KCNT2: variants seen among roughly 807,000 people sequenced by gnomAD.
KCNT2 encodes the protein potassium sodium-activated channel subfamily T member 2.
Under a neutral mutation model 153.8 loss-of-function variants are expected in KCNT2, and 67 were observed. The ratio of observed to expected loss-of-function variants is 0.44; its 90% confidence interval spans 0.36 to 0.53. The LOEUF (loss-of-function observed/expected upper bound fraction) is 0.53, where lower values mean the gene tolerates loss of function less well. KCNT2 is among the 20% of genes least tolerant of loss of function. KCNT2 has a pLI of 0.00. For synonymous variants in KCNT2, 500 were observed against 458.8 expected (o/e 1.09, Z -1.15); for missense variants, 975 against 1,354.8 (o/e 0.72, Z 4.40).
intron 21 of KCNT2, among the ~76,000 whole-genome samples, chr1:196,310,559 T>G (rs1479586928): frequency 6.6e-6 from 1 of 151,918 alleles, no homozygotes; most frequent in Non-Finnish European, 1.5e-5. Context: ...AATTATTTAC[T>G]TATGGTTATA....
chr1:196,280,893 G>A lies in KCNT2; in HGVS notation c.2877C>T (p.Tyr959=), dbSNP rs749332325. Residue 959 remains tyrosine, a synonymous_variant, in exon 25 of 28, where the codon TAC becomes TAT. Transcript: ENST00000294725. ...SSTGDVPIGI[Y]RTESQKLTTS... is the part of the protein sequence containing the mutation. ...TAGTAAGTTTCTGAGACTCAGTCCT[G>A]TAGATTCCAATGGGAACATCTCCAG... 3 of 1,611,958 alleles carry A rather than the reference G, an allele frequency of 1.9e-6. No homozygotes were observed. Among genetic ancestry groups the A allele is most frequent in the South Asian group, 1.1e-5 (1 of 91,040 alleles).
intron 22 of KCNT2, among the ~76,000 whole-genome samples, chr1:196,298,218 C>A (rs1294105506): frequency 6.6e-6 from 1 of 152,074 alleles, no homozygotes; most frequent in Non-Finnish European, 1.5e-5. Context: ...TGTGACACTA[C>A]CTGGAGTTGG....
rs1668679178 is a variant in KCNT2 at position 196,373,201 on chromosome 1, T to C, written c.1342A>G (p.Asn448Asp). ...GTAGATGTTGCTGGGCATATACAGT[T>C]TAAAGCTAACATGGCGTATTTAAAC... ...EEFKYAMLAL[N>D]CICPATSTLI... Residue 448 changes from asparagine to aspartate, a missense_variant, in exon 14 of 28, where the codon AAC becomes GAC. Coordinates refer to ENST00000294725, the MANE Select transcript of KCNT2 (RefSeq NM_198503.5). The C allele has an allele frequency of 6.3e-7, 1 of 1,591,348 alleles. No homozygotes were observed. Among genetic ancestry groups the C allele is most frequent in the Non-Finnish European group, 8.6e-7 (1 of 1,160,436 alleles).
chr1:196,293,341 C>T (rs1660371662), intron 22 of KCNT2, among the ~76,000 whole-genome samples: 1 of 151,800 alleles, frequency 6.6e-6, no homozygotes, highest in South Asian at 2.1e-4. Flanking sequence ...AAAAACAAAA[C>T]AAAACAAAAC....
intron 1 of KCNT2, among the ~76,000 whole-genome samples, chr1:196,502,637 G>A (rs755661750): frequency 6.6e-5 from 10 of 152,048 alleles, no homozygotes; most frequent in Non-Finnish European, 1.5e-4. Flanking sequence ...ACAACCTGCA[G>A]GTAACTGGAA....
intron 23 of KCNT2, among the ~76,000 whole-genome samples, chr1:196,284,248 A>AAAAAAAAAAAAAAAAATATAT: frequency 1.0e-4 from 1 of 10,042 alleles, no homozygotes; most frequent in African/African-American, 1.4e-4. Flanking sequence ...AAAAAAAAAA[A>AAAAAAAAAAAAAAAAATATAT]ATATATATAT....
chr1:196,271,616 A>G (rs889612654), intron 25 of KCNT2, among the ~76,000 whole-genome samples: 2 of 152,024 alleles, frequency 1.3e-5, no homozygotes, highest in African/African-American at 4.8e-5. Flanking sequence ...CAGTAGAACT[A>G]GAAAATATTA....
chr1:196,548,449 A>T (rs1468949239), intron 1 of KCNT2, among the ~76,000 whole-genome samples: 3 of 152,116 alleles, frequency 2.0e-5, no homozygotes, highest in Non-Finnish European at 1.5e-5. Flanking sequence ...TCAAAACCAC[A>T]ATGAGATATC....
At chr1:196,386,535 A>G (rs915423979) in intron 13 of KCNT2, among the ~76,000 whole-genome samples, 59 of 152,098 alleles carry the variant, frequency 3.9e-4, no homozygotes, top group Non-Finnish European at 1.3e-4. Flanking sequence ...CTTTCTACCA[A>G]AGGGCAAAAG....
chr1:196,547,418 A>T lies in KCNT2; in HGVS notation c.96-55077T>A, dbSNP rs186245839. ...TACTTTCTCATCCTTCACTGGACAG[A>T]CGATGGATGTCTAAAGTTGAAACAT... On this transcript the variant is annotated intron_variant, in intron 1 of 27. Coordinates refer to ENST00000294725, the MANE Select transcript of KCNT2 (RefSeq NM_198503.5). Among the ~76,000 whole-genome samples, 195 of 152,124 alleles carry T rather than the reference A, an allele frequency of 1.3e-3. 1 individual carries two copies. The highest frequency in any genetic ancestry group is 2.3e-3 in the Non-Finnish European group (153 of 67,940).
At chr1:196,541,283 A>T (rs2148873313) in intron 1 of KCNT2, among the ~76,000 whole-genome samples, 1 of 152,206 alleles carries the variant, frequency 6.6e-6, no homozygotes, top group African/African-American at 2.4e-5. Flanking sequence ...AAAAAACAGA[A>T]ATAAAATGAA....
At chr1:196,495,150 T>A (rs1470799774) in intron 1 of KCNT2, among the ~76,000 whole-genome samples, 1 of 152,148 alleles carries the variant, frequency 6.6e-6, no homozygotes, top group Non-Finnish European at 1.5e-5. Flanking sequence ...AAACATGAAA[T>A]TATACAACTT....
chr1:196,427,312 T>C (rs1673742104), intron 10 of KCNT2, among the ~76,000 whole-genome samples: 1 of 152,056 alleles, frequency 6.6e-6, no homozygotes, highest in South Asian at 2.1e-4. Context: ...ATAGTATTTA[T>C]AAAGGTCTAC....
chr1:196,522,121 A>T (rs1486092343), intron 1 of KCNT2, among the ~76,000 whole-genome samples: 6 of 152,206 alleles, frequency 3.9e-5, no homozygotes, highest in African/African-American at 1.4e-4. Context: ...GTGCTTATGC[A>T]GAAAGAGTCA....
At chr1:196,514,690 A>T (rs917512044) in intron 1 of KCNT2, among the ~76,000 whole-genome samples, 6 of 152,202 alleles carry the variant, frequency 3.9e-5, no homozygotes, top group Non-Finnish European at 8.8e-5. Flanking sequence ...ATACCAATGT[A>T]CATACTTAAA....
Position 196,305,476 on chromosome 1 carries a change from C to T in KCNT2, c.2484-131G>A, listed in dbSNP as rs547447238. 2.1e-5 allele frequency: 12 copies of T among 576,800 alleles called. No individual in the cohort carries two copies. The Admixed American group carries it at 3.3e-4, about 16-fold the overall frequency. The allele number at this position is 576,800 out of a possible 1,614,324, so 35.7% of individuals were successfully genotyped here. On this transcript the variant is annotated intron_variant, in intron 21 of 27. Transcript: ENST00000294725. ...ATCCAATTACAACAGCAGGCAGTGC[C>T]ACATAAAATCTTCTATACAATGCAG...
chr1:196,330,532 T>C (rs1469913613), intron 18 of KCNT2, among the ~76,000 whole-genome samples: 2 of 151,944 alleles, frequency 1.3e-5, no homozygotes, highest in Admixed American at 1.3e-4. Flanking sequence ...ATAAGGTTCT[T>C]CCTTTTATCA....
intron 3 of KCNT2, among the ~76,000 whole-genome samples, chr1:196,487,755 T>A (rs751119870): frequency 3.9e-5 from 6 of 152,026 alleles, no homozygotes; most frequent in Non-Finnish European, 5.9e-5. Flanking sequence ...GAATTTCACT[T>A]AAACACACCA....
At chr1:196,409,073 G>GTT (rs576595192) in intron 12 of KCNT2, among the ~76,000 whole-genome samples, 32 of 140,264 alleles carry the variant, frequency 2.3e-4, no homozygotes, top group African/African-American at 7.8e-5. Context: ...ACATTTAGGA[G>GTT]TTTTTTTTTT....
Sources: allele counts gnomAD v4.1 joint callset (sites outside exome capture counted in the v4.1 genomes callset), GRCh38; gene constraint gnomAD v4.1.1; transcripts MANE v1.5; gene names NCBI Gene and HGNC (gene_info 2026-07-23, HGNC 2026-07-21).